The following VWC2L variants were observed in gnomAD, a reference collection of about 807,000 sequenced individuals.
VWC2L encodes von Willebrand factor C domain-containing protein 2-like.
A neutral mutation model predicts 21.6 loss-of-function variants in VWC2L; 10 were observed. The ratio of observed to expected loss-of-function variants is 0.46; its 90% CI spans 0.29 to 0.78. The LOEUF is 0.78. Among genes scored for constraint, VWC2L ranks in the 30% least tolerant of loss-of-function variants. The pLI is 0.10. For missense variants in VWC2L, 209 were observed against 277.1 expected, an observed-to-expected ratio of 0.75 and a Z score of 1.74; for synonymous variants, 96 against 94.3, an observed-to-expected ratio of 1.02 and a Z score of -0.10.
intron 3 of VWC2L, among the ~76,000 whole-genome samples, chr2:214,474,382 T>C (rs2126194377): frequency 6.6e-6 from 1 of 152,270 alleles, no homozygotes; most frequent in Non-Finnish European, 1.5e-5. Flanking sequence ...AGTTTTCTCA[T>C]TTGCCAAGTG....
intron 3 of VWC2L, among the ~76,000 whole-genome samples, chr2:214,524,994 T>C (rs1465354064): frequency 6.7e-6 from 1 of 149,304 alleles, no homozygotes; most frequent in East Asian, 2.0e-4. Flanking sequence ...ACCAATTGAG[T>C]GGTTTGTGTT....
intron 3 of VWC2L, among the ~76,000 whole-genome samples, chr2:214,483,869 G>T (rs1239569521): frequency 2.6e-5 from 4 of 152,132 alleles, no homozygotes; most frequent in South Asian, 2.1e-4. Context: ...CCATATCAAG[G>T]TACCATGAAC....
At chr2:214,539,849 A>G (rs1689600214) in intron 3 of VWC2L, among the ~76,000 whole-genome samples, 1 of 152,172 alleles carries the variant, frequency 6.6e-6, no homozygotes, top group Non-Finnish European at 1.5e-5. Flanking sequence ...AAATTTTACC[A>G]CTAAAATAAT....
intron 3 of VWC2L, among the ~76,000 whole-genome samples, chr2:214,483,550 A>G (rs1688635100): frequency 2.6e-5 from 4 of 152,174 alleles, no homozygotes; most frequent in Admixed American, 2.0e-4. Flanking sequence ...TCTTTTATCA[A>G]TTATGGATTT....
chr2:214,429,432 A>T (rs1426280037), intron 2 of VWC2L, among the ~76,000 whole-genome samples: 1 of 152,108 alleles, frequency 6.6e-6, no homozygotes, highest in East Asian at 1.9e-4. Context: ...TTAAATCCTC[A>T]AGTTTTTGTC....
intron 3 of VWC2L, among the ~76,000 whole-genome samples, chr2:214,495,056 CTAT>C (rs1688793589): frequency 6.6e-6 from 1 of 152,138 alleles, no homozygotes; most frequent in South Asian, 2.1e-4. Flanking sequence ...TCATAAACAA[CTAT>C]GTCATACTTT....
At chr2:214,481,591 G>T (rs549619722) in intron 3 of VWC2L, among the ~76,000 whole-genome samples, 1 of 152,246 alleles carries the variant, frequency 6.6e-6, no homozygotes, top group South Asian at 2.1e-4. Context: ...AGCAAGATTT[G>T]GTGTGGTTAT....
intron 3 of VWC2L, among the ~76,000 whole-genome samples, chr2:214,534,748 G>A (rs914833822): frequency 6.6e-6 from 1 of 152,076 alleles, no homozygotes; most frequent in African/African-American, 2.4e-5. Flanking sequence ...TAAATAGAAG[G>A]TTACATGGCA....
intron 3 of VWC2L, among the ~76,000 whole-genome samples, chr2:214,517,126 A>G (rs1689156092): frequency 6.6e-6 from 1 of 152,144 alleles, no homozygotes; most frequent in African/African-American, 2.4e-5. Flanking sequence ...ATGTTTCTAA[A>G]TTCGTTGTTC....
At chr2:214,563,583 C>CAAAAAAAAAAAA (rs1328331072) in intron 3 of VWC2L, among the ~76,000 whole-genome samples, 7 of 95,972 alleles carry the variant, frequency 7.3e-5, no homozygotes, top group Admixed American at 9.8e-5. Flanking sequence ...AAAAAAAAAT[C>CAAAAAAAAAAAA]AAGTGGTTCT....
chr2:214,502,206 T>C (rs1002113485), intron 3 of VWC2L, among the ~76,000 whole-genome samples: 2 of 152,202 alleles, frequency 1.3e-5, no homozygotes, highest in Non-Finnish European at 2.9e-5. Flanking sequence ...TATTCGCATG[T>C]TCTCAATAAA....
chr2:214,508,359 G>A (rs1242060838), intron 3 of VWC2L, among the ~76,000 whole-genome samples: 1 of 152,132 alleles, frequency 6.6e-6, no homozygotes, highest in Admixed American at 6.6e-5. Context: ...CATTTGGTAA[G>A]ATGAAGATGC....
intron 3 of VWC2L, among the ~76,000 whole-genome samples, chr2:214,540,523 A>G (rs1433245076): frequency 6.6e-6 from 1 of 152,162 alleles, no homozygotes; most frequent in Non-Finnish European, 1.5e-5. Context: ...GCGGTTATAT[A>G]CCAAGGAGTT....
intron 3 of VWC2L, among the ~76,000 whole-genome samples, chr2:214,453,716 A>ATT (rs1377918952): frequency 1.6e-5 from 2 of 122,360 alleles, no homozygotes; most frequent in African/African-American, 3.6e-5. Flanking sequence ...GTCCCAAAGA[A>ATT]TTTTTTTTCT....
chr2:214,533,163 A>T (rs924598237), intron 3 of VWC2L, among the ~76,000 whole-genome samples: 1 of 152,032 alleles, frequency 6.6e-6, no homozygotes, highest in Non-Finnish European at 1.5e-5. Context: ...GCCATGCTCC[A>T]GTTTCTTTTG....
Position 214,451,225 on chromosome 2 carries a change from A to G in VWC2L, c.520+14467A>G, listed in dbSNP as rs545484527. Among the ~76,000 whole-genome samples, 278 of 150,966 alleles carry G rather than the reference A, an allele frequency of 1.8e-3. 1 individual carries two copies. Among genetic ancestry groups the G allele is most frequent in the African/African-American group, 6.4e-3 (266 of 41,328 alleles). ...CAGAAATTCTGTTGCTCAAAGATCAAGGAATATATACTTCTTTTTAGGTGC... is the reference window on the plus strand; with the variant it reads ...CAGAAATTCTGTTGCTCAAAGATCAGGGAATATATACTTCTTTTTAGGTGC... On this transcript the variant is annotated intron_variant, in intron 3 of 3. Coordinates refer to ENST00000312504, the MANE Select transcript of VWC2L (RefSeq NM_001080500.4).
Position 214,567,575 on chromosome 2 carries a change from C to CAGAGAG in VWC2L, c.521-8096_521-8095insGAGAGA, listed in dbSNP as rs1451478991. ...ACACACACACACACACACACACACACACACACACACACACACACACAGAGA... is the reference window on the plus strand; with the variant it reads ...ACACACACACACACACACACACACACAGAGAGACACACACACACACACACACAGAGA... On this transcript the variant is annotated intron_variant, in intron 3 of 3. Transcript: ENST00000312504. Among the ~76,000 whole-genome samples, 70 of 127,862 alleles carry CAGAGAG rather than the reference C, an allele frequency of 5.5e-4. 3 individuals are homozygous for CAGAGAG. Among genetic ancestry groups the CAGAGAG allele is most frequent in the African/African-American group, 1.7e-3 (55 of 32,194 alleles). The allele number at this position is 127,862 out of a possible 152,430, so 83.9% of individuals were successfully genotyped here.
At chr2:214,575,279 C>T (rs964802049) in intron 3 of VWC2L, among the ~76,000 whole-genome samples, 1 of 152,090 alleles carries the variant, frequency 6.6e-6, no homozygotes, top group Admixed American at 6.6e-5. Flanking sequence ...CCAAGGGTGC[C>T]ACCATCTGAG....
At chr2:214,443,014 G>C (rs1237363162) in intron 3 of VWC2L, among the ~76,000 whole-genome samples, 1 of 152,132 alleles carries the variant, frequency 6.6e-6, no homozygotes, top group African/African-American at 2.4e-5. Flanking sequence ...ATACTAAGGA[G>C]ACTGAATAAA....
Sources: gnomAD v4.1 joint callset for allele counts (sites outside exome capture counted in the v4.1 genomes callset) on GRCh38, gnomAD v4.1.1 for gene constraint, MANE v1.5 for transcripts, NCBI Gene and HGNC (gene_info 2026-07-23, HGNC 2026-07-21) for gene names.